Variants in BCAS3 observed in about 807,000 individuals in gnomAD.
The protein encoded by BCAS3 is BCAS3 microtubule associated cell migration factor.
Under a neutral mutation model 116.1 loss-of-function variants are expected in BCAS3, and 53 were observed. That is an observed-to-expected ratio of 0.46 (90% confidence interval 0.37 to 0.57). The LOEUF (loss-of-function observed/expected upper bound fraction) is 0.57. BCAS3 is among the 20% of genes least tolerant of loss of function. BCAS3 has a pLI of 0.00. For synonymous variants in BCAS3, 391 were observed against 408.2 expected (o/e 0.96, Z 0.51); for missense variants, 917 against 1,165.4 (o/e 0.79, Z 3.10).
chr17:60,888,622 T>A (rs148336122), intron 9 of BCAS3, among the ~76,000 whole-genome samples: 1 of 152,316 alleles, frequency 6.6e-6, no homozygotes, highest in Non-Finnish European at 1.5e-5. Context: ...GTTTTTGTCC[T>A]ATATATGTTT....
rs559835202 is a variant in BCAS3, at chr17:61,388,758, G to T, written c.2594-3219G>T. Reference sequence around the variant, plus strand: ...CGCTTGCTCGTAGGGCTGGGCGGCCGGGATGACTTGGAGGGGGGAATCTGA... The same window carrying T: ...CGCTTGCTCGTAGGGCTGGGCGGCCTGGATGACTTGGAGGGGGGAATCTGA... On this transcript the variant is annotated intron_variant, in intron 23 of 23. Coordinates refer to ENST00000407086, the MANE Select transcript of BCAS3 (RefSeq NM_017679.5). This position sits in a 1 kb window ranked among gnomAD's most constrained non-coding sequence, Gnocchi z 6.5. 1.3e-6 allele frequency: 2 copies of T among 1,498,326 alleles called. No homozygotes were observed. Among genetic ancestry groups the T allele is most frequent in the Admixed American group, 2.0e-5 (1 of 49,792 alleles). The allele number at this position is 1,498,326 out of a possible 1,614,324, so 92.8% of individuals were successfully genotyped here.
Position 61,034,882 on chromosome 17 carries a change from C to A in BCAS3, c.1762+92C>A, listed in dbSNP as rs751669332. 1.1e-5 allele frequency: 14 copies of A among 1,297,912 alleles called. No individual in the cohort carries two copies. Among genetic ancestry groups the A allele is most frequent in the Non-Finnish European group, 1.5e-5 (14 of 949,028 alleles). The allele number at this position is 1,297,912 out of a possible 1,614,324, so 80.4% of individuals were successfully genotyped here. ...CAGTTTCCCTAGAATAATCTTGTACCCAGTAGTCTGGAAACCAATTTTTTT... is the reference window on the plus strand; with the variant it reads ...CAGTTTCCCTAGAATAATCTTGTACACAGTAGTCTGGAAACCAATTTTTTT... On this transcript the variant is annotated intron_variant, in intron 17 of 23. Transcript: ENST00000407086. The surrounding 1 kb of genome is among the most constrained non-coding windows in gnomAD (Gnocchi z 5.0).
At chr17:60,801,024 C>T (rs1393743596) in intron 6 of BCAS3, among the ~76,000 whole-genome samples, 2 of 151,942 alleles carry the variant, frequency 1.3e-5, no homozygotes, top group Non-Finnish European at 2.9e-5. Flanking sequence ...TTTTGTTAAA[C>T]TTGTTTTAGC....
In BCAS3 at chr17:61,343,884, G is replaced by C. The variant is rs9895003; in HGVS notation, c.2426-24443G>C. Among the ~76,000 whole-genome samples the C allele has an allele frequency of 0.017, 2,644 of 152,230 alleles. 65 individuals are homozygous for C. The highest frequency in any genetic ancestry group is 0.059 in the African/African-American group (2,465 of 41,530). On this transcript the variant is annotated intron_variant, in intron 22 of 23. Transcript: ENST00000407086. The surrounding 1 kb of genome is among the most constrained non-coding windows in gnomAD (Gnocchi z 5.5). ...CCCATGGCGACACCCTCTCTCTTTG[G>C]ACCACCTCCTCCCCTTTCGCTTCCT... is the stretch of plus-strand genomic sequence containing the variant.
At chr17:61,179,271 GC>G (rs1373586558) in intron 22 of BCAS3, among the ~76,000 whole-genome samples, 4 of 112,154 alleles carry the variant, frequency 3.6e-5, no homozygotes, top group African/African-American at 1.2e-4. Flanking sequence ...CAAAGAAAAA[GC>G]CTTTTTTTTT....
intron 7 of BCAS3, among the ~76,000 whole-genome samples, chr17:60,868,234 C>T (rs953798456): frequency 6.6e-6 from 1 of 151,926 alleles, no homozygotes; most frequent in Admixed American, 6.6e-5. Context: ...ACCATGTTGG[C>T]CAGGCTGGTC....
In BCAS3 at chr17:61,214,866, G is replaced by T. The variant is rs1226613426; in HGVS notation, c.2425+130302G>T. On this transcript the variant is annotated intron_variant, in intron 22 of 23. Coordinates refer to ENST00000407086, the MANE Select transcript of BCAS3 (RefSeq NM_017679.5). This position sits in a 1 kb window ranked among gnomAD's most constrained non-coding sequence, Gnocchi z 4.4. ...TAGCTAAGGGTGTACTATAAAGGTG[G>T]TAACCAGTAGCTAGCAATAACAAGC... is the stretch of plus-strand genomic sequence containing the variant. Among the ~76,000 whole-genome samples the T allele has an allele frequency of 6.6e-6, 1 of 152,114 alleles. No homozygotes were observed. The highest frequency in any genetic ancestry group is 2.4e-5 in the African/African-American group (1 of 41,418).
chr17:60,952,925 G>A (rs933363639), intron 14 of BCAS3, among the ~76,000 whole-genome samples: 3 of 151,766 alleles, frequency 2.0e-5, no homozygotes, highest in Middle Eastern at 3.4e-3. Context: ...CTCCATCCAC[G>A]TTCCTGCAAA....
Position 61,065,350 on chromosome 17 carries a change from T to C in BCAS3, c.2030-9570T>C, listed in dbSNP as rs1260743348. 6.6e-6 allele frequency among the ~76,000 whole-genome samples: 1 copy of C among 152,198 alleles called. No homozygotes were observed. Among genetic ancestry groups the C allele is most frequent in the East Asian group, 1.9e-4 (1 of 5,198 alleles). ...ATTCCCAAGCAGAATTTCATCCTTA[T>C]ATCCTGAGTGCTTTCTGATCAGAAA... On this transcript the variant is annotated intron_variant, in intron 19 of 23. Transcript: ENST00000407086. The surrounding 1 kb of genome is among the most constrained non-coding windows in gnomAD (Gnocchi z 4.8).
chr17:61,234,592 C>T (rs1377443280), intron 22 of BCAS3, among the ~76,000 whole-genome samples: 1 of 152,112 alleles, frequency 6.6e-6, no homozygotes, highest in African/African-American at 2.4e-5. Flanking sequence ...AATTCAGGAG[C>T]TGCTAGAAGC....
intron 15 of BCAS3, among the ~76,000 whole-genome samples, chr17:61,003,372 GCCCTCCCCTCCCCTCCCCTC>G (rs748637308): frequency 5.1e-5 from 6 of 118,032 alleles, no homozygotes; most frequent in African/African-American, 1.8e-4. Flanking sequence ...CTTTTATTAT[GCCCTCCCCTCCCCTCCCCTC>G]CCCTCCCCTC....
intron 14 of BCAS3, among the ~76,000 whole-genome samples, chr17:60,988,297 C>CT (rs1193553127): frequency 1.2e-3 from 131 of 113,728 alleles, no homozygotes; most frequent in African/African-American, 3.1e-3. Flanking sequence ...CTAGTCTTGT[C>CT]TGGTCTTGTC....
Position 61,327,780 on chromosome 17 carries a change from A to C in BCAS3, c.2426-40547A>C, listed in dbSNP as rs1240259791. On this transcript the variant is annotated intron_variant, in intron 22 of 23. Transcript: ENST00000407086. This position sits in a 1 kb window ranked among gnomAD's most constrained non-coding sequence, Gnocchi z 5.9. ...CTGCCTCAGCCTCCCAAAGTGGTGG[A>C]ATTACAGGCATGAGCCACTGCGCCC... is the stretch of plus-strand genomic sequence containing the variant. Among the ~76,000 whole-genome samples the C allele has an allele frequency of 6.6e-6, 1 of 152,104 alleles. No homozygotes were observed. The highest frequency in any genetic ancestry group is 2.4e-5 in the African/African-American group (1 of 41,414).
chr17:60,926,750 G>T (rs751775997), intron 13 of BCAS3, among the ~76,000 whole-genome samples: 1 of 152,060 alleles, frequency 6.6e-6, no homozygotes, highest in Admixed American at 6.6e-5. Flanking sequence ...GACACTGGCA[G>T]CTGTATTTTT....
intron 5 of BCAS3, among the ~76,000 whole-genome samples, chr17:60,734,184 C>T (rs1841762595): frequency 6.6e-6 from 1 of 152,134 alleles, no homozygotes; most frequent in Non-Finnish European, 1.5e-5. Flanking sequence ...CTTCTATTAC[C>T]CAGTAATGCG....
At chr17:61,255,936 T>C (rs1053309836) in intron 22 of BCAS3, among the ~76,000 whole-genome samples, 1 of 152,228 alleles carries the variant, frequency 6.6e-6, no homozygotes, top group Non-Finnish European at 1.5e-5. Context: ...TCCTAGACTT[T>C]AGAGATGGGA....
intron 11 of BCAS3, among the ~76,000 whole-genome samples, chr17:60,910,196 A>G (rs2058418071): frequency 6.6e-6 from 1 of 152,238 alleles, no homozygotes; most frequent in African/African-American, 2.4e-5. Flanking sequence ...TTTAAGATGT[A>G]TACATTAAGA....
At chr17:61,342,447 A>G (rs1252722534) in intron 22 of BCAS3, among the ~76,000 whole-genome samples, 4 of 152,140 alleles carry the variant, frequency 2.6e-5, no homozygotes, top group Non-Finnish European at 5.9e-5. Context: ...TGCCCAGCCT[A>G]GGGCCTGGTT....
At chr17:60,821,283 C>T (rs1356412225) in intron 7 of BCAS3, among the ~76,000 whole-genome samples, 3 of 152,128 alleles carry the variant, frequency 2.0e-5, no homozygotes, top group Middle Eastern at 3.2e-3. Context: ...CATTATTTCT[C>T]ATTGAGAATC....
Sources: gnomAD v4.1 joint callset for allele counts (sites outside exome capture counted in the v4.1 genomes callset) on GRCh38, gnomAD v4.1.1 for gene constraint, Gnocchi (gnomAD v3.1) non-coding constraint, MANE v1.5 for transcripts, NCBI Gene and HGNC (gene_info 2026-07-23, HGNC 2026-07-21) for gene names.